The following ROBO2 variants were observed in gnomAD, a reference collection of about 807,000 sequenced individuals.
ROBO2 encodes the protein roundabout guidance receptor 2.
Under a neutral mutation model 160.8 loss-of-function variants are expected in ROBO2, and 53 were observed. The ratio of observed to expected loss-of-function variants is 0.33; its 90% CI spans 0.26 to 0.41. ROBO2 has a LOEUF of 0.41. Among genes scored for constraint, ROBO2 ranks in the 10% least tolerant of loss-of-function variants. The pLI, the probability that ROBO2 is intolerant of heterozygous loss-of-function variation, is 1.00. For missense variants in ROBO2, 1,577 were observed against 1,722.4 expected, an observed-to-expected ratio of 0.92 and a Z score of 1.49; for synonymous variants, 664 against 611.7, an observed-to-expected ratio of 1.09 and a Z score of -1.26.
At chr3:76,185,195 G>GATATATATATATATATATATATATAT (rs1219580267) in intron 2 of ROBO2, among the ~76,000 whole-genome samples, 2,024 of 43,540 alleles carry the variant, frequency 0.046, 417 homozygotes, top group East Asian at 0.08. Context: ...AGTAAACACA[G>GATATATATATATATATATATATATAT]ATATATATAT....
intron 2 of ROBO2, among the ~76,000 whole-genome samples, chr3:77,410,012 T>C (rs1423915701): frequency 6.6e-6 from 1 of 152,206 alleles, no homozygotes; most frequent in African/African-American, 2.4e-5. Flanking sequence ...CTGCTAATGT[T>C]CACTTCCTTA....
intron 2 of ROBO2, among the ~76,000 whole-genome samples, chr3:76,142,984 T>C (rs954776405): frequency 2.0e-5 from 3 of 151,832 alleles, no homozygotes; most frequent in Non-Finnish European, 4.4e-5. Flanking sequence ...AGTTATGAAA[T>C]AAATTTTCAC....
chr3:76,973,569 T>TG, intron 2 of ROBO2, among the ~76,000 whole-genome samples: 1 of 152,252 alleles, frequency 6.6e-6, no homozygotes, highest in Non-Finnish European at 1.5e-5. Context: ...TACCTTATTA[T>TG]CAATAGCATT....
intron 12 of ROBO2, among the ~76,000 whole-genome samples, chr3:77,566,460 A>T (rs1241919395): frequency 6.6e-6 from 1 of 152,102 alleles, no homozygotes; most frequent in Non-Finnish European, 1.5e-5. Flanking sequence ...AAATTTTATT[A>T]TTGAACTTAA....
intron 5 of ROBO2, among the ~76,000 whole-genome samples, chr3:77,505,758 A>T (rs146955685): frequency 1.1e-3 from 164 of 152,302 alleles, no homozygotes; most frequent in African/African-American, 3.9e-3. Flanking sequence ...CTTATGAAAC[A>T]GGAACTCTTA....
intron 2 of ROBO2, among the ~76,000 whole-genome samples, chr3:76,745,540 T>C (rs888351691): frequency 6.6e-6 from 1 of 152,094 alleles, no homozygotes; most frequent in African/African-American, 2.4e-5. Context: ...TGTTAGAAAA[T>C]AATTTTGCAA....
At chr3:77,125,524 T>C (rs2075233529) in intron 2 of ROBO2, among the ~76,000 whole-genome samples, 1 of 152,184 alleles carries the variant, frequency 6.6e-6, no homozygotes, top group Admixed American at 6.5e-5. Context: ...ACAATATTCT[T>C]TCTTCTTAAC....
intron 2 of ROBO2, among the ~76,000 whole-genome samples, chr3:77,115,909 T>C (rs1248800566): frequency 6.6e-6 from 1 of 152,106 alleles, no homozygotes; most frequent in Non-Finnish European, 1.5e-5. Context: ...GTTAATGAGA[T>C]CTAGCGACAT....
intron 1 of ROBO2, among the ~76,000 whole-genome samples, chr3:77,044,350 T>C (rs1034446983): frequency 1.3e-5 from 2 of 152,194 alleles, no homozygotes; most frequent in Admixed American, 6.5e-5. Flanking sequence ...CCTAGTAATA[T>C]CTGCTGAAAT....
chr3:77,332,747 A>G (rs966818980), intron 2 of ROBO2, among the ~76,000 whole-genome samples: 1 of 152,244 alleles, frequency 6.6e-6, no homozygotes, highest in African/African-American at 2.4e-5. Flanking sequence ...TATCATTATA[A>G]TAAAAACAGA....
At chr3:76,808,797 C>T (rs1258185592) in intron 2 of ROBO2, among the ~76,000 whole-genome samples, 2 of 151,856 alleles carry the variant, frequency 1.3e-5, no homozygotes, top group Non-Finnish European at 1.5e-5. Flanking sequence ...GAAGTTAAAG[C>T]ACAAATAGCC....
chr3:77,260,376 C>T (rs1340601241), intron 2 of ROBO2, among the ~76,000 whole-genome samples: 1 of 151,988 alleles, frequency 6.6e-6, no homozygotes, highest in Non-Finnish European at 1.5e-5. Flanking sequence ...CACAAATGAA[C>T]AGTATTTTAA....
rs143549027 is a variant in ROBO2 at position 76,738,272 on chromosome 3, C to T, written c.110-359742C>T. Among the ~76,000 whole-genome samples the T allele has an allele frequency of 1.6e-3, 243 of 152,276 alleles. 1 individual carries two copies. The East Asian group carries it at 0.026, about 16-fold the overall frequency. On this transcript the variant is annotated intron_variant, in intron 2 of 26. Transcript: ENST00000487694. The stretch of plus-strand genomic sequence containing the variant: ...TAGGTAAGGCCTGATACTCATTAGG[C>T]TTATGTTTTGGGGGAGCCACATAGA...
intron 1 of ROBO2, among the ~76,000 whole-genome samples, chr3:77,050,568 G>GTT (rs57810780): frequency 6.9e-6 from 1 of 144,416 alleles, no homozygotes; most frequent in African/African-American, 2.5e-5. Flanking sequence ...GCTTTTGTGT[G>GTT]TTTTTTTTTT....
intron 2 of ROBO2, among the ~76,000 whole-genome samples, chr3:76,776,700 A>G (rs960196379): frequency 6.6e-6 from 1 of 150,992 alleles, no homozygotes; most frequent in Non-Finnish European, 1.5e-5. Flanking sequence ...ACAATAAATT[A>G]TTAGTATGTG....
At chr3:76,149,209 T>C (rs777734180) in intron 2 of ROBO2, among the ~76,000 whole-genome samples, 29 of 152,102 alleles carry the variant, frequency 1.9e-4, no homozygotes, top group Non-Finnish European at 3.4e-4. Context: ...ATTTCCACTT[T>C]CACCAAATCT....
At chr3:76,591,154 T>C (rs1422770293) in intron 2 of ROBO2, among the ~76,000 whole-genome samples, 2 of 152,104 alleles carry the variant, frequency 1.3e-5, no homozygotes, top group Non-Finnish European at 2.9e-5. Context: ...TTAGCACATA[T>C]TTTGTATGGT....
chr3:76,286,219 A>G (rs1324929909), intron 2 of ROBO2, among the ~76,000 whole-genome samples: 1 of 152,242 alleles, frequency 6.6e-6, no homozygotes, highest in African/African-American at 2.4e-5. Context: ...AAGCTTCCAT[A>G]AAAGCAATGA....
chr3:76,583,418 CTT>C (rs1560188079), intron 2 of ROBO2, among the ~76,000 whole-genome samples: 1 of 152,222 alleles, frequency 6.6e-6, no homozygotes, highest in African/African-American at 2.4e-5. Flanking sequence ...CAGGCAAACA[CTT>C]TCCGGAACAT....
Sources: gnomAD v4.1 joint callset for allele counts (sites outside exome capture counted in the v4.1 genomes callset) on GRCh38, gnomAD v4.1.1 for gene constraint, MANE v1.5 for transcripts, NCBI Gene and HGNC (gene_info 2026-07-23, HGNC 2026-07-21) for gene names.